Variants in PHF20L1 observed in about 807,000 individuals in gnomAD.
PHF20L1 encodes PHD finger protein 20 like 1, also known as PHD finger protein 20-like protein 1.
A neutral mutation model predicts 125.5 loss-of-function variants in PHF20L1; 44 were observed. The ratio of observed to expected loss-of-function variants is 0.35; its 90% confidence interval spans 0.28 to 0.45. The LOEUF (loss-of-function observed/expected upper bound fraction) is 0.45. PHF20L1 is among the 20% of genes least tolerant of loss of function. The pLI, the probability that PHF20L1 is intolerant of heterozygous loss-of-function variation, is 1.00. For missense variants in PHF20L1, 1,012 were observed against 1,217.2 expected (o/e 0.83, Z 2.51); for synonymous variants, 380 against 403.1 (o/e 0.94, Z 0.69).
rs3832583 is a variant in PHF20L1, at chr8:132,775,406, A to AGGC, written c.-260_-258dup. ...TCGCGTCAGGGCTGGCCGGCGGCGG[A>AGGC]GGCGGCGGCGGCGGCGGCGATGGCA... On this transcript the variant is annotated 5_prime_UTR_variant, in exon 1 of 21. Transcript: ENST00000395386. 611 of 382,648 alleles carry AGGC rather than the reference A, an allele frequency of 1.6e-3. 1 individual carries two copies. The highest frequency in any genetic ancestry group is 2.0e-3 in the East Asian group (53 of 25,862). The allele number at this position is 382,648 out of a possible 1,614,324, so 23.7% of individuals were successfully genotyped here.
Position 132,845,998 on chromosome 8 carries a change from TG to T in PHF20L1, c.*77del. 1.7e-6 allele frequency: 2 copies of T among 1,143,660 alleles called. No individual in the cohort carries two copies. Among genetic ancestry groups the T allele is most frequent in the Non-Finnish European group, 2.5e-6 (2 of 785,906 alleles). The allele number at this position is 1,143,660 out of a possible 1,614,324, so 70.8% of individuals were successfully genotyped here. A position where few individuals can be genotyped will look rare whatever the true frequency, so the allele number is the denominator to read the frequency against. ...TTTTATTATCCACGTGATGGCTAAG[TG>T]GATAATTTAAAAGCTTAGTAATGTC... On this transcript the variant is annotated 3_prime_UTR_variant, in exon 21 of 21. Coordinates refer to ENST00000395386, the MANE Select transcript of PHF20L1 (RefSeq NM_016018.5).
In PHF20L1 at chr8:132,811,086, A is replaced by T. The variant is rs1834341183; in HGVS notation, c.888A>T (p.Glu296Asp). 1 of 1,613,152 alleles carries T rather than the reference A, an allele frequency of 6.2e-7. No individual in the cohort carries two copies. The change falls in exon 9 of 21, where the codon GAA becomes GAT. Residue 296 changes from glutamate (E) to aspartate (D), a missense_variant. Coordinates refer to ENST00000395386, the MANE Select transcript of PHF20L1 (RefSeq NM_016018.5). ...AAGCTGTTGGGGTTGATGGTGCTGA[A>T]AAAAAGGAAGACTACAATGAAACAG... ...ASKAVGVDGA[E>D]KKEDYNETAP...
rs1375006050 is a variant in PHF20L1, at chr8:132,817,163, A to G, written c.1372+87A>G. ...ATAAAGATTATTAAAATATTAAGAT[A>G]TTTCTGCTCTTATATCTTCTGGAGT... On this transcript the variant is annotated intron_variant, in intron 11 of 20. Coordinates refer to ENST00000395386, the MANE Select transcript of PHF20L1 (RefSeq NM_016018.5). 4 of 956,972 alleles carry G rather than the reference A, an allele frequency of 4.2e-6. No individual in the cohort carries two copies. In the African/African-American group the frequency reaches 5.0e-5, roughly 12 times the overall value. 59.3% of individuals were successfully genotyped at this position (956,972 alleles called of 1,614,324 possible).
intron 1 of PHF20L1, among the ~76,000 whole-genome samples, chr8:132,776,257 C>G (rs1337637498): frequency 6.6e-6 from 1 of 152,080 alleles, no homozygotes; most frequent in Non-Finnish European, 1.5e-5. Flanking sequence ...CCCTAAGTGT[C>G]ACTGGGGGAT....
intron 19 of PHF20L1, chr8:132,843,524 C>A: frequency 1.0e-6 from 1 of 984,314 alleles, no homozygotes; most frequent in Non-Finnish European, 1.2e-6. Flanking sequence ...TATTTCGTAT[C>A]ATAAAGTTTG....
chr8:132,813,690 A>T (rs1013593533), intron 9 of PHF20L1, among the ~76,000 whole-genome samples: 1 of 152,020 alleles, frequency 6.6e-6, no homozygotes, highest in Non-Finnish European at 1.5e-5. Context: ...TTGCTCTCAG[A>T]TAAGTATATC....
At chr8:132,788,407 G>C (rs1360108083) in intron 2 of PHF20L1, among the ~76,000 whole-genome samples, 1 of 152,062 alleles carries the variant, frequency 6.6e-6, no homozygotes, top group Non-Finnish European at 1.5e-5. Flanking sequence ...GATTGATATG[G>C]TGCTTATTCA....
intron 14 of PHF20L1, among the ~76,000 whole-genome samples, chr8:132,829,967 G>A (rs1460742943): frequency 2.6e-5 from 4 of 152,024 alleles, no homozygotes; most frequent in Non-Finnish European, 4.4e-5. Context: ...GATGATGAGT[G>A]TAAGTTTCCC....
Position 132,817,516 on chromosome 8 carries a change from C to T in PHF20L1, c.1550C>T (p.Ala517Val), listed in dbSNP as rs201392409. 6.2e-7 allele frequency: 1 copy of T among 1,611,610 alleles called. No individual in the cohort carries two copies. Among genetic ancestry groups the T allele is most frequent in the East Asian group, 2.2e-5 (1 of 44,686 alleles). ...MLPNPSSKAI[A>V]DGRGAPAAAG... is the part of the protein sequence containing the mutation. ...CCAAATCCTTCTTCCAAAGCAATAG[C>T]TGATGGAAGAGGAGCTCCAGCAGCA... is the stretch of plus-strand genomic sequence containing the variant. The change falls in exon 12 of 21, where the codon GCT (alanine) becomes GTT (valine). Residue 517 changes from alanine (A) to valine (V), a missense_variant. Coordinates refer to ENST00000395386, the MANE Select transcript of PHF20L1 (RefSeq NM_016018.5).
At position 132,780,722 on chromosome 8, in the gene PHF20L1, A is replaced by G. The variant is rs188816619; in HGVS notation, c.83+2811A>G. ...TGTCTCTATACTCAAAACATTTACA[A>G]TAAGCAGTATATTACTGAGAAACTA... On this transcript the variant is annotated intron_variant, in intron 2 of 20. Coordinates refer to ENST00000395386, the MANE Select transcript of PHF20L1 (RefSeq NM_016018.5). 7.2e-5 allele frequency among the ~76,000 whole-genome samples: 11 copies of G among 152,310 alleles called. No homozygotes were observed. In the East Asian group the frequency reaches 1.9e-3, roughly 27 times the overall value.
intron 18 of PHF20L1, among the ~76,000 whole-genome samples, chr8:132,840,592 C>T (rs1837831636): frequency 6.6e-6 from 1 of 152,010 alleles, no homozygotes; most frequent in South Asian, 2.1e-4. Flanking sequence ...TTTTTGTTGC[C>T]ACATAATCCC....
chr8:132,824,969 ACC>A, intron 13 of PHF20L1: 2 of 1,288,662 alleles, frequency 1.6e-6, no homozygotes, highest in South Asian at 1.2e-5. Context: ...TTAACTTCTT[ACC>A]ACATCAGGAA....
rs903496384 is a variant in PHF20L1, at chr8:132,846,984, C to T, written c.*1061C>T. On this transcript the variant is annotated 3_prime_UTR_variant, in exon 21 of 21. Coordinates refer to ENST00000395386, the MANE Select transcript of PHF20L1 (RefSeq NM_016018.5). ...GAATTTTATTTTTAAAAAATACATG[C>T]ACACTCAAAACTTTTAGCTTTGATC... 3.9e-5 allele frequency: 6 copies of T among 152,408 alleles called. No homozygotes were observed. Among genetic ancestry groups the T allele is most frequent in the African/African-American group, 1.4e-4 (6 of 41,380 alleles). 9.4% of individuals were successfully genotyped at this position (152,408 alleles called of 1,614,324 possible). A position where few individuals can be genotyped will look rare whatever the true frequency, so the allele number is the denominator to read the frequency against.
At position 132,837,565 on chromosome 8, in the gene PHF20L1, C is replaced by T. The variant is rs564495696; in HGVS notation, c.2092-147C>T. 7.1e-5 allele frequency: 42 copies of T among 593,334 alleles called. No individual in the cohort carries two copies. The East Asian group carries it at 1.2e-3, about 18-fold the overall frequency. The allele number at this position is 593,334 out of a possible 1,614,324, so 36.8% of individuals were successfully genotyped here. ...AGATAAAATTCATCTTAAGTCATGG[C>T]TTGATTTTGTTGTGTCAAATAAGTA... On this transcript the variant is annotated intron_variant, in intron 16 of 20. Transcript: ENST00000395386.
intron 2 of PHF20L1, among the ~76,000 whole-genome samples, chr8:132,780,121 T>C (rs1350542532): frequency 6.6e-6 from 1 of 152,170 alleles, no homozygotes; most frequent in Non-Finnish European, 1.5e-5. Context: ...ATATGTATTC[T>C]AGGTAATTTA....
chr8:132,816,666 A>G (rs921665376), intron 10 of PHF20L1: 1 of 392,610 alleles, frequency 2.5e-6, no homozygotes, highest in African/African-American at 2.1e-5. Flanking sequence ...ATTTTCTTTT[A>G]GTTCTAGTAG....
chr8:132,838,370 C>T (rs889697891), intron 17 of PHF20L1: 1 of 156,322 alleles, frequency 6.4e-6, no homozygotes, highest in Non-Finnish European at 1.4e-5. Context: ...GCATATTCGA[C>T]TCATTGTAGA....
At chr8:132,804,173 T>A in intron 7 of PHF20L1, 141 bp downstream of exon 7, 1 of 623,088 alleles carries the variant, frequency 1.6e-6, no homozygotes, top group Non-Finnish European at 2.8e-6. Flanking sequence ...ATGGCTAACT[T>A]TTTTAGCATC....
rs750979813 is a variant in PHF20L1, at chr8:132,814,828, A to C, written c.1122A>C (p.Leu374Phe). Residue 374 changes from leucine to phenylalanine, a missense_variant, in exon 10 of 21, where the codon TTA becomes TTC. This residue lies in a region of PHF20L1 where 119 missense variants were observed against 160.2 expected (regional missense o/e 0.74). Coordinates refer to ENST00000395386, the MANE Select transcript of PHF20L1 (RefSeq NM_016018.5). Reference sequence around the variant, plus strand: ...CTAAATCACCACTTTCCCCAGAATTAATACAAGTCGAGGATTTGACGCTTG... The same window carrying C: ...CTAAATCACCACTTTCCCCAGAATTCATACAAGTCGAGGATTTGACGCTTG... ...KPPKSPLSPE[L>F]IQVEDLTLVS... is the part of the protein sequence containing the mutation. 1 of 1,610,796 alleles carries C rather than the reference A, an allele frequency of 6.2e-7. No homozygotes were observed. The highest frequency in any genetic ancestry group is 1.1e-5 in the South Asian group (1 of 90,986).
Sources: allele counts gnomAD v4.1 joint callset (sites outside exome capture counted in the v4.1 genomes callset), GRCh38; gene constraint gnomAD v4.1.1; regional missense constraint gnomAD v4.1.1; transcripts MANE v1.5; gene names NCBI Gene and HGNC (gene_info 2026-07-23, HGNC 2026-07-21).